SYT1: variants seen among roughly 807,000 people sequenced by gnomAD.
SYT1 encodes synaptotagmin-1.
In SYT1, 8 loss-of-function variants were observed where a neutral mutation model predicts 44.8. The observed-to-expected ratio is 0.18, with a 90% CI of 0.10 to 0.32. SYT1 has a LOEUF of 0.32. Ranked by LOEUF, SYT1 falls within the 10% of genes least tolerant of loss-of-function variation. The pLI, the probability that SYT1 is intolerant of heterozygous loss-of-function variation, is 1.00. For synonymous variants in SYT1, 154 were observed against 188.8 expected (o/e 0.82, Z 1.51); for missense variants, 286 against 509.3 (o/e 0.56, Z 4.22).
chr12:79,359,395 C>T (rs1422123780), intron 9 of SYT1, among the ~76,000 whole-genome samples: 1 of 152,186 alleles, frequency 6.6e-6, no homozygotes, highest in Non-Finnish European at 1.5e-5. Flanking sequence ...TATGACCCAT[C>T]CCTAGTCCTC....
At chr12:79,313,353 C>G (rs577657471) in intron 8 of SYT1, among the ~76,000 whole-genome samples, 1 of 152,252 alleles carries the variant, frequency 6.6e-6, no homozygotes, top group East Asian at 1.9e-4. Flanking sequence ...TGTTATTTTT[C>G]TGAGGCAGAC....
At chr12:79,222,473 C>T (rs573823137) in intron 4 of SYT1, among the ~76,000 whole-genome samples, 2 of 151,974 alleles carry the variant, frequency 1.3e-5, no homozygotes, top group Non-Finnish European at 2.9e-5. Flanking sequence ...CCTCCACCTC[C>T]CAGGTTCAAG....
chr12:79,079,482 AG>A (rs1267732905), intron 3 of SYT1, among the ~76,000 whole-genome samples: 3 of 152,142 alleles, frequency 2.0e-5, no homozygotes, highest in Non-Finnish European at 2.9e-5. Context: ...CCACTAATAC[AG>A]ATTATCATCT....
At position 79,031,390 on chromosome 12, in the gene SYT1, T is replaced by C. The variant is rs556568678; in HGVS notation, c.-83-15907T>C. Among the ~76,000 whole-genome samples, 3 of 151,266 alleles carry C rather than the reference T, an allele frequency of 2.0e-5. No homozygotes were observed. The East Asian group carries it at 5.8e-4, about 29-fold the overall frequency. On this transcript the variant is annotated intron_variant, in intron 2 of 10. Coordinates refer to ENST00000261205, the MANE Select transcript of SYT1 (RefSeq NM_005639.3). ...CCTAATGTATTCATCAGGGCTTCCA[T>C]GTTAAGTTATTTTCTTAGCTTTGGC...
chr12:79,206,174 A>G (rs1485532991), intron 3 of SYT1, among the ~76,000 whole-genome samples: 1 of 152,252 alleles, frequency 6.6e-6, no homozygotes, highest in Non-Finnish European at 1.5e-5. Flanking sequence ...AAATTGGTTA[A>G]TGAATTTCTA....
At chr12:78,980,528 A>G (rs3849226) in intron 2 of SYT1, among the ~76,000 whole-genome samples, 12,777 of 152,238 alleles carry the variant, frequency 0.084, 665 homozygotes, top group African/African-American at 0.14. Flanking sequence ...TAGATTATGG[A>G]CAGACTACTT....
intron 9 of SYT1, among the ~76,000 whole-genome samples, chr12:79,441,665 T>G (rs957204968): frequency 4.6e-5 from 7 of 152,188 alleles, no homozygotes; most frequent in Non-Finnish European, 1.0e-4. Context: ...AGAATACATC[T>G]GAGTCATCAG....
intron 8 of SYT1, among the ~76,000 whole-genome samples, chr12:79,300,837 T>TA (rs943202868): frequency 2.5e-5 from 3 of 118,692 alleles, no homozygotes; most frequent in Admixed American, 1.7e-4. Context: ...ACTGTCTCAA[T>TA]ATCTAAGAAT....
chr12:79,003,937 T>C (rs893972488), intron 2 of SYT1, among the ~76,000 whole-genome samples: 8 of 151,960 alleles, frequency 5.3e-5, no homozygotes, highest in African/African-American at 1.7e-4. Context: ...GTATCAATTA[T>C]GTGGGAAAAC....
At chr12:79,263,148 A>G (rs1376292833) in intron 4 of SYT1, among the ~76,000 whole-genome samples, 2 of 152,154 alleles carry the variant, frequency 1.3e-5, no homozygotes, top group African/African-American at 4.8e-5. Flanking sequence ...GTTCAGTGCA[A>G]TTAGTCACCA....
intron 9 of SYT1, among the ~76,000 whole-genome samples, chr12:79,379,704 A>T (rs560853526): frequency 6.6e-6 from 1 of 152,206 alleles, no homozygotes; most frequent in Non-Finnish European, 1.5e-5. Flanking sequence ...TCAATCATCC[A>T]ATAGAAATCT....
At chr12:79,322,782 T>G (rs538424439) in intron 8 of SYT1, among the ~76,000 whole-genome samples, 132 of 152,254 alleles carry the variant, frequency 8.7e-4, no homozygotes, top group African/African-American at 3.0e-3. Flanking sequence ...AAGCCTCCAC[T>G]TGAGGCAGCT....
chr12:79,148,378 T>C (rs905287364), intron 3 of SYT1, among the ~76,000 whole-genome samples: 2 of 152,156 alleles, frequency 1.3e-5, no homozygotes, highest in Non-Finnish European at 2.9e-5. Context: ...TTTTTTCCCG[T>C]AAAATTGTAC....
chr12:79,179,602 T>C (rs1310191631), intron 3 of SYT1, among the ~76,000 whole-genome samples: 1 of 150,756 alleles, frequency 6.6e-6, no homozygotes, highest in Non-Finnish European at 1.5e-5. Flanking sequence ...TTTTTTTTAA[T>C]AGAGACGGGA....
intron 3 of SYT1, among the ~76,000 whole-genome samples, chr12:79,056,176 T>A (rs896013773): frequency 2.6e-5 from 4 of 152,026 alleles, no homozygotes; most frequent in African/African-American, 9.7e-5. Context: ...TCTCAGGATG[T>A]ACCCCTGTTG....
chr12:79,084,400 T>G lies in SYT1; in HGVS notation c.-18+37038T>G, dbSNP rs530702928. 2.0e-5 allele frequency among the ~76,000 whole-genome samples: 3 copies of G among 152,238 alleles called. No individual in the cohort carries two copies. In the East Asian group the frequency reaches 5.8e-4, roughly 29 times the overall value. ...AACATACACTAGTCTCCAACTACCT[T>G]ACATAATTAACCTGATACCCTCCAA... On this transcript the variant is annotated intron_variant, in intron 3 of 10. Coordinates refer to ENST00000261205, the MANE Select transcript of SYT1 (RefSeq NM_005639.3).
chr12:79,407,365 A>G (rs1593040711), intron 9 of SYT1, among the ~76,000 whole-genome samples: 2 of 152,120 alleles, frequency 1.3e-5, no homozygotes, highest in African/African-American at 4.8e-5. Flanking sequence ...CAAGTATGGT[A>G]AAGGTCTTGA....
chr12:79,319,130 A>T (rs1881235921), intron 8 of SYT1, among the ~76,000 whole-genome samples: 1 of 152,208 alleles, frequency 6.6e-6, no homozygotes, highest in South Asian at 2.1e-4. Context: ...AGGCAATGGA[A>T]CCTATGTGTC....
At chr12:79,048,323 A>G (rs1874223984) in intron 3 of SYT1, among the ~76,000 whole-genome samples, 2 of 151,906 alleles carry the variant, frequency 1.3e-5, no homozygotes, top group African/African-American at 4.8e-5. Context: ...ATATATACAA[A>G]TTATTCCTGC....
Sources: gnomAD v4.1 joint callset for allele counts (sites outside exome capture counted in the v4.1 genomes callset) on GRCh38, gnomAD v4.1.1 for gene constraint, MANE v1.5 for transcripts, NCBI Gene and HGNC (gene_info 2026-07-23, HGNC 2026-07-21) for gene names.